The following MGAT4C variants were observed in gnomAD, a reference collection of about 807,000 sequenced individuals.
MGAT4C encodes the protein MGAT4 family member C.
MGAT4C carries 19 observed loss-of-function variants against 40.1 expected under a neutral mutation model. The ratio of observed to expected loss-of-function variants is 0.47; its 90% confidence interval spans 0.33 to 0.70. MGAT4C has a LOEUF of 0.70. Among genes scored for constraint, MGAT4C ranks in the 30% least tolerant of loss-of-function variants. MGAT4C has a pLI of 0.02. For synonymous variants in MGAT4C, 181 were observed against 187.1 expected (o/e 0.97, Z 0.27); for missense variants, 491 against 563.2 (o/e 0.87, Z 1.30).
chr12:85,980,567 T>C, intron 4 of MGAT4C, 137 bp from the exon 5 acceptor site: 1 of 699,770 alleles, frequency 1.4e-6, no homozygotes, highest in Non-Finnish European at 2.2e-6. Context: ...GCACAGAACA[T>C]TTTATGATTA....
chr12:86,197,117 C>A (rs1262154092), intron 1 of MGAT4C, among the ~76,000 whole-genome samples: 1 of 152,200 alleles, frequency 6.6e-6, no homozygotes, highest in Non-Finnish European at 1.5e-5. Context: ...CCACAAGAGA[C>A]TAGAACACAA....
chr12:86,438,388 C>T (rs1377853861), intron 2 of MGAT4C, among the ~76,000 whole-genome samples: 2 of 151,898 alleles, frequency 1.3e-5, no homozygotes, highest in African/African-American at 4.8e-5. Flanking sequence ...ATGATGCCCT[C>T]TGTATGACTT....
intron 2 of MGAT4C, among the ~76,000 whole-genome samples, chr12:86,693,053 T>C (rs1411193452): frequency 6.6e-6 from 1 of 151,718 alleles, no homozygotes; most frequent in East Asian, 1.9e-4. Flanking sequence ...TGGATCGCCA[T>C]TAGATATGAG....
At chr12:86,526,974 G>C (rs1360285907) in intron 2 of MGAT4C, among the ~76,000 whole-genome samples, 1 of 152,176 alleles carries the variant, frequency 6.6e-6, no homozygotes, top group African/African-American at 2.4e-5. Context: ...ACGAGTCCCA[G>C]TGTGTGGTAG....
At chr12:86,136,589 T>C (rs1007253978) in intron 1 of MGAT4C, among the ~76,000 whole-genome samples, 65 of 152,320 alleles carry the variant, frequency 4.3e-4, no homozygotes, top group African/African-American at 1.5e-3. Flanking sequence ...CGTTATTCTT[T>C]AAGTGTTATA....
At chr12:86,269,815 G>T (rs1005549324) in intron 4 of MGAT4C, among the ~76,000 whole-genome samples, 10 of 152,058 alleles carry the variant, frequency 6.6e-5, no homozygotes, top group African/African-American at 2.2e-4. Context: ...TGATATTTTT[G>T]ATGGTACCCT....
At chr12:86,049,595 T>C in intron 2 of MGAT4C, 79 bp downstream of exon 2, 1 of 721,076 alleles carries the variant, frequency 1.4e-6, no homozygotes, top group Non-Finnish European at 1.7e-6. Context: ...AGGACAATTT[T>C]ACTTATTAAA....
At chr12:86,688,157 CTTTTT>C (rs55637680) in intron 2 of MGAT4C, among the ~76,000 whole-genome samples, 13 of 65,230 alleles carry the variant, frequency 2.0e-4, no homozygotes, top group African/African-American at 5.1e-4. Context: ...GCAACCCCTG[CTTTTT>C]TTTTTTTTTT....
chr12:86,346,608 A>AT (rs1438285366), intron 3 of MGAT4C, among the ~76,000 whole-genome samples: 2 of 152,230 alleles, frequency 1.3e-5, no homozygotes, highest in African/African-American at 4.8e-5. Flanking sequence ...TAATAAAAAT[A>AT]TGCCACTTAA....
chr12:86,537,559 TC>T (rs1959096849), intron 2 of MGAT4C, among the ~76,000 whole-genome samples: 2 of 152,136 alleles, frequency 1.3e-5, no homozygotes, highest in African/African-American at 4.8e-5. Context: ...GTGCTTAATT[TC>T]AGTTTTGCAT....
At chr12:86,190,577 T>C (rs1194471495) in intron 1 of MGAT4C, among the ~76,000 whole-genome samples, 2 of 152,130 alleles carry the variant, frequency 1.3e-5, no homozygotes, top group African/African-American at 4.8e-5. Flanking sequence ...ATAGTGTTTC[T>C]ATGAGAATTT....
At chr12:86,532,696 A>G (rs1342934027) in intron 2 of MGAT4C, among the ~76,000 whole-genome samples, 1 of 152,082 alleles carries the variant, frequency 6.6e-6, no homozygotes, top group Non-Finnish European at 1.5e-5. Flanking sequence ...ATAAGATTGC[A>G]TCTTAAAGGC....
chr12:86,541,587 G>C (rs1027602438), intron 2 of MGAT4C, among the ~76,000 whole-genome samples: 10 of 152,150 alleles, frequency 6.6e-5, no homozygotes, highest in Admixed American at 2.0e-4. Context: ...TGCTTGACAA[G>C]TCTAGATTTT....
chr12:86,713,471 A>G (rs1950594594), intron 2 of MGAT4C, among the ~76,000 whole-genome samples: 1 of 152,074 alleles, frequency 6.6e-6, no homozygotes, highest in African/African-American at 2.4e-5. Flanking sequence ...TTATAAATTA[A>G]TATTATAAAA....
rs1373640296 is a variant in MGAT4C, at chr12:86,340,138, C to T, written c.-119-6011G>A. On this transcript the variant is annotated intron_variant, in intron 3 of 7. Coordinates refer to the MGAT4C transcript ENST00000548651. ...AGCTTTTATAAATAACAGAAGAGTTCATTTTGCTTCATGTGCTTTTATTCT... is the reference window on the plus strand; with the variant it reads ...AGCTTTTATAAATAACAGAAGAGTTTATTTTGCTTCATGTGCTTTTATTCT... Among the ~76,000 whole-genome samples, 11 of 152,250 alleles carry T rather than the reference C, an allele frequency of 7.2e-5. No homozygotes were observed. In the East Asian group the frequency reaches 1.5e-3, roughly 21 times the overall value.
chr12:86,384,893 A>G (rs148847286), intron 3 of MGAT4C, among the ~76,000 whole-genome samples: 3 of 152,260 alleles, frequency 2.0e-5, no homozygotes, highest in African/African-American at 7.2e-5. Flanking sequence ...ATGGATACTT[A>G]AGCTGTTAAC....
rs11103867 is a variant in MGAT4C, at chr12:86,143,355, G to A, written c.-56-93632C>T. ...ATGGCTTAAGGGTGAAATTTTCCCT[G>A]GACAAAACCAATTTACATTTAATTT... On this transcript the variant is annotated intron_variant, in intron 1 of 4. Coordinates refer to ENST00000611864, the MANE Select transcript of MGAT4C (RefSeq NM_001351288.2). Among the ~76,000 whole-genome samples, 862 of 152,176 alleles carry A rather than the reference G, an allele frequency of 5.7e-3. 6 individuals are homozygous for A. Among genetic ancestry groups the A allele is most frequent in the African/African-American group, 0.018 (766 of 41,514 alleles).
chr12:86,604,888 T>C (rs960303983), intron 2 of MGAT4C, among the ~76,000 whole-genome samples: 1 of 152,162 alleles, frequency 6.6e-6, no homozygotes, highest in Non-Finnish European at 1.5e-5. Context: ...CTAGGGAGCA[T>C]GTACCATGTC....
At chr12:86,791,687 G>A (rs781254848) in intron 1 of MGAT4C, among the ~76,000 whole-genome samples, 10 of 151,852 alleles carry the variant, frequency 6.6e-5, no homozygotes, top group Non-Finnish European at 1.5e-4. Context: ...GCTTCTGGAC[G>A]GGTTTGTGAC....
Sources: allele counts gnomAD v4.1 joint callset (sites outside exome capture counted in the v4.1 genomes callset), GRCh38; gene constraint gnomAD v4.1.1; transcripts MANE v1.5; gene names NCBI Gene and HGNC (gene_info 2026-07-23, HGNC 2026-07-21).